Variants in CDH12 observed in about 807,000 individuals in gnomAD.
CDH12 encodes cadherin-12.
Under a neutral mutation model 74.1 loss-of-function variants are expected in CDH12, and 41 were observed. That is an observed-to-expected ratio of 0.55 (90% CI 0.43 to 0.72). The LOEUF is 0.72. Ranked by LOEUF, CDH12 falls within the 30% of genes least tolerant of loss-of-function variation. The pLI, the probability that CDH12 is intolerant of heterozygous loss-of-function variation, is 0.00. For synonymous variants in CDH12, 399 were observed against 355.0 expected, an observed-to-expected ratio of 1.12 and a Z score of -1.39; for missense variants, 945 against 977.2, an observed-to-expected ratio of 0.97 and a Z score of 0.44.
chr5:21,942,347 TACACACACACAC>T (rs70957081), intron 6 of CDH12, among the ~76,000 whole-genome samples: 15 of 129,672 alleles, frequency 1.2e-4, no homozygotes, highest in South Asian at 2.5e-4. Context: ...TATATATATA[TACACACACACAC>T]ACACACACAC....
chr5:22,603,198 G>T (rs772285854), intron 1 of CDH12, among the ~76,000 whole-genome samples: 48 of 151,832 alleles, frequency 3.2e-4, no homozygotes, highest in Non-Finnish European at 6.2e-4. Context: ...ATCTCTCATA[G>T]AAAAAGATGT....
chr5:22,428,772 T>C (rs531944468), intron 2 of CDH12, among the ~76,000 whole-genome samples: 1 of 152,138 alleles, frequency 6.6e-6, no homozygotes. Context: ...CTACCTTGAG[T>C]GTATAGCAGG....
chr5:22,826,213 A>C (rs1317132272), intron 1 of CDH12, among the ~76,000 whole-genome samples: 65 of 151,976 alleles, frequency 4.3e-4, no homozygotes, highest in South Asian at 2.1e-4. Flanking sequence ...ACCTCATGAG[A>C]TCTGATGGTT....
chr5:22,838,438 C>T (rs937426062), intron 1 of CDH12, among the ~76,000 whole-genome samples: 1 of 152,108 alleles, frequency 6.6e-6, no homozygotes, highest in East Asian at 1.9e-4. Context: ...GCTTACAACT[C>T]ATTTGTGTAA....
At chr5:22,850,047 T>A (rs963793512) in intron 1 of CDH12, among the ~76,000 whole-genome samples, 8 of 152,100 alleles carry the variant, frequency 5.3e-5, no homozygotes, top group African/African-American at 1.9e-4. Context: ...AGTAATTGAA[T>A]AATTGAATTC....
At chr5:22,110,546 T>A (rs1276911604) in intron 4 of CDH12, among the ~76,000 whole-genome samples, 1 of 151,674 alleles carries the variant, frequency 6.6e-6, no homozygotes, top group Non-Finnish European at 1.5e-5. Flanking sequence ...TTGTGGGAAA[T>A]GGTCCTCCTG....
chr5:22,454,654 T>A (rs929928326), intron 2 of CDH12, among the ~76,000 whole-genome samples: 2 of 152,106 alleles, frequency 1.3e-5, no homozygotes, highest in Admixed American at 1.3e-4. Context: ...CTTGTATTTT[T>A]AGTAGGTACG....
intron 1 of CDH12, among the ~76,000 whole-genome samples, chr5:22,729,484 G>A (rs544029043): frequency 6.6e-6 from 1 of 151,836 alleles, no homozygotes; most frequent in Non-Finnish European, 1.5e-5. Context: ...ATATCTGGAA[G>A]GTCCCTGTGA....
chr5:22,615,092 A>G (rs1737627508), intron 1 of CDH12, among the ~76,000 whole-genome samples: 1 of 152,110 alleles, frequency 6.6e-6, no homozygotes, highest in Non-Finnish European at 1.5e-5. Flanking sequence ...ATGATTGACC[A>G]TGGGTAACAA....
intron 9 of CDH12, among the ~76,000 whole-genome samples, chr5:21,813,888 C>T (rs552976520): frequency 6.6e-6 from 1 of 152,242 alleles, no homozygotes; most frequent in East Asian, 1.9e-4. Flanking sequence ...GAATTCATCA[C>T]TGCTGAAAGT....
chr5:22,561,720 T>C (rs985895658), intron 1 of CDH12, among the ~76,000 whole-genome samples: 1 of 152,138 alleles, frequency 6.6e-6, no homozygotes, highest in Non-Finnish European at 1.5e-5. Flanking sequence ...GGGAGCTAAA[T>C]AGAATCTGGA....
At chr5:22,725,014 G>T (rs1744090435) in intron 1 of CDH12, among the ~76,000 whole-genome samples, 1 of 151,686 alleles carries the variant, frequency 6.6e-6, no homozygotes, top group Non-Finnish European at 1.5e-5. Flanking sequence ...TTACTGTGTT[G>T]GGACTTTGCT....
intron 3 of CDH12, among the ~76,000 whole-genome samples, chr5:22,350,002 C>T (rs1411649543): frequency 6.6e-6 from 1 of 152,192 alleles, no homozygotes; most frequent in Admixed American, 6.5e-5. Flanking sequence ...GGGCTTATTA[C>T]TTTCTGTAAC....
intron 1 of CDH12, among the ~76,000 whole-genome samples, chr5:22,584,288 C>T (rs1035273848): frequency 1.3e-5 from 2 of 151,946 alleles, no homozygotes; most frequent in Admixed American, 6.6e-5. Flanking sequence ...TTAGCAGAGA[C>T]GGGGTTTCAC....
chr5:22,349,533 C>A (rs1740265942), intron 3 of CDH12, among the ~76,000 whole-genome samples: 1 of 152,094 alleles, frequency 6.6e-6, no homozygotes, highest in Non-Finnish European at 1.5e-5. Context: ...CCCCTCTTTC[C>A]CAATTCGGAA....
chr5:21,771,172 T>C (rs1330907775), intron 11 of CDH12, among the ~76,000 whole-genome samples: 2 of 151,154 alleles, frequency 1.3e-5, no homozygotes, highest in Non-Finnish European at 2.9e-5. Context: ...AATCTGCACA[T>C]GTACCCTTGA....
At chr5:22,068,139 G>T (rs1340224149) in intron 5 of CDH12, among the ~76,000 whole-genome samples, 1 of 152,110 alleles carries the variant, frequency 6.6e-6, no homozygotes, top group Non-Finnish European at 1.5e-5. Context: ...AAGCCATAAA[G>T]TTAGGTGAGC....
intron 2 of CDH12, among the ~76,000 whole-genome samples, chr5:22,407,251 C>G (rs529829100): frequency 5.3e-5 from 8 of 152,154 alleles, no homozygotes; most frequent in African/African-American, 1.7e-4. Flanking sequence ...CCTATGATTG[C>G]ATATTTTAAT....
chr5:21,900,229 T>C (rs190008790), intron 6 of CDH12, among the ~76,000 whole-genome samples: 166 of 152,204 alleles, frequency 1.1e-3, no homozygotes, highest in Middle Eastern at 3.4e-3. Context: ...TCACAGGAAA[T>C]AATATGTGCC....
Sources: gnomAD v4.1 joint callset for allele counts (sites outside exome capture counted in the v4.1 genomes callset) on GRCh38, gnomAD v4.1.1 for gene constraint, MANE v1.5 for transcripts, NCBI Gene and HGNC (gene_info 2026-07-23, HGNC 2026-07-21) for gene names.